STIL: variants seen among roughly 807,000 people sequenced by gnomAD.
STIL encodes the protein STIL centriolar assembly protein.
In STIL, 55 loss-of-function variants were observed where a neutral mutation model predicts 110.1. The observed-to-expected ratio is 0.50, with a 90% confidence interval of 0.40 to 0.63. The LOEUF (loss-of-function observed/expected upper bound fraction) is 0.63. STIL is among the 20% of genes least tolerant of loss of function. The pLI, the probability that STIL is intolerant of heterozygous loss-of-function variation, is 0.00. For missense variants in STIL, 1,358 were observed against 1,530.0 expected (o/e 0.89, Z 1.87); for synonymous variants, 481 against 530.0 (o/e 0.91, Z 1.27).
chr1:47,272,257 A>G lies in STIL; in HGVS notation c.2218-16T>C. On this transcript the variant is annotated splice_polypyrimidine_tract_variant and intron_variant, in intron 12 of 16. Transcript: ENST00000371877. ...AACGCTGAATCTGTATCAATTAAAA[A>G]CATACTTTAAACTGACAGGGAAGTA... The G allele has an allele frequency of 6.2e-7, 1 of 1,614,064 alleles. No individual in the cohort carries two copies. Among genetic ancestry groups the G allele is most frequent in the Non-Finnish European group, 8.5e-7 (1 of 1,179,972 alleles).
Position 47,272,123 on chromosome 1 carries a change from G to A in STIL, c.2336C>T (p.Ser779Phe), listed in dbSNP as rs1644860249. Residue 779 changes from serine to phenylalanine, a missense_variant, in exon 13 of 17, where the codon TCC becomes TTC. Coordinates refer to ENST00000371877, the MANE Select transcript of STIL (RefSeq NM_001048166.1). The stretch of plus-strand genomic sequence containing the variant: ...ACCTTTTCTCATGTGCAAGCCAGGG[G>A]AAGACTGTGCTTCCACAGAAACCAA... ...MELVSVEAQSSPGLHMRKGVS... is the reference protein window; with the variant it reads ...MELVSVEAQSFPGLHMRKGVS... 6.2e-7 allele frequency: 1 copy of A among 1,614,164 alleles called. No homozygotes were observed. The highest frequency in any genetic ancestry group is 1.1e-5 in the South Asian group (1 of 91,084).
Position 47,255,764 on chromosome 1 carries a change from CACAA to C in STIL, c.3081-3846_3081-3843del, listed in dbSNP as rs562952955. Among the ~76,000 whole-genome samples the C allele has an allele frequency of 7.9e-5, 12 of 152,258 alleles. No homozygotes were observed. The East Asian group carries it at 2.3e-3, about 29-fold the overall frequency. On this transcript the variant is annotated intron_variant, in intron 16 of 16. Transcript: ENST00000371877. ...AGAGGTTGCTTCCAGACCTCGAACC[CACAA>C]TCTCCATTTCCTGCACAATTTCTAG...
intron 2 of STIL, among the ~76,000 whole-genome samples, chr1:47,307,605 G>A (rs1031180589): frequency 5.3e-4 from 80 of 152,030 alleles, no homozygotes; most frequent in Non-Finnish European, 7.8e-4. Context: ...TAATAATTGC[G>A]TTAACTACAC....
chr1:47,251,844 G>C lies in STIL; in HGVS notation c.3159C>G (p.Gly1053=). ...TCAAATCCACACCATTGGGGCTTAA[G>C]CCGCTCATGCCAACATTAGCAAATG... is the stretch of plus-strand genomic sequence containing the variant. ...CMSFANVGMS[G]LSPNGVDLSM... is the part of the protein sequence containing the mutation. Residue 1053 remains glycine, a synonymous_variant, in exon 17 of 17, where the codon GGC becomes GGG. Transcript: ENST00000371877. 6 of 1,607,672 alleles carry C rather than the reference G, an allele frequency of 3.7e-6. No individual in the cohort carries two copies. The highest frequency in any genetic ancestry group is 5.1e-6 in the Non-Finnish European group (6 of 1,177,282).
intron 12 of STIL, among the ~76,000 whole-genome samples, chr1:47,277,472 A>AAAAC (rs1489843063): frequency 3.9e-5 from 6 of 152,196 alleles, no homozygotes; most frequent in Non-Finnish European, 7.3e-5. Context: ...TGGTGTGGGG[A>AAAAC]AAACAAACAA....
chr1:47,303,177 G>T (rs1302180983), intron 3 of STIL, among the ~76,000 whole-genome samples: 1 of 152,170 alleles, frequency 6.6e-6, no homozygotes, highest in Admixed American at 6.5e-5. Context: ...ATTAACTGGG[G>T]ATAGGTACAC....
chr1:47,273,483 G>A (rs1644900207), intron 12 of STIL, among the ~76,000 whole-genome samples: 1 of 152,044 alleles, frequency 6.6e-6, no homozygotes, highest in Non-Finnish European at 1.5e-5. Context: ...TCTTTCACTT[G>A]GCATAATGTT....
At position 47,272,282 on chromosome 1, in the gene STIL, AATC is replaced by A. The variant is rs1222726963; in HGVS notation, c.2218-44_2218-42del. The A allele has an allele frequency of 3.7e-6, 6 of 1,609,834 alleles. No homozygotes were observed. In the African/African-American group the frequency reaches 8.0e-5, roughly 22 times the overall value. On this transcript the variant is annotated intron_variant, in intron 12 of 16. Coordinates refer to ENST00000371877, the MANE Select transcript of STIL (RefSeq NM_001048166.1). ...ACATACTTTAAACTGACAGGGAAGT[AATC>A]AACAAAACTGGCAGCAGTTTAATAA...
At chr1:47,291,820 C>A (rs1186989519) in intron 8 of STIL, among the ~76,000 whole-genome samples, 2 of 152,080 alleles carry the variant, frequency 1.3e-5, no homozygotes, top group East Asian at 3.9e-4. Context: ...CCCGCCTTGG[C>A]CTCCCAAAGT....
At chr1:47,286,292 C>T (rs142327770) in intron 10 of STIL, among the ~76,000 whole-genome samples, 70 of 152,224 alleles carry the variant, frequency 4.6e-4, no homozygotes, top group African/African-American at 1.6e-3. Context: ...GATTTAATCA[C>T]CCACAGCTTT....
chr1:47,266,498 A>G (rs1485383276), intron 14 of STIL, among the ~76,000 whole-genome samples: 1 of 152,202 alleles, frequency 6.6e-6, no homozygotes, highest in East Asian at 1.9e-4. Flanking sequence ...AGGTGGAACT[A>G]CTACAGGCAC....
At position 47,281,147 on chromosome 1, in the gene STIL, T is replaced by C. The variant is rs536324483; in HGVS notation, c.1311A>G (p.Glu437=). ...CCAATGGAGTAGGCAGAGGGTTTGA[T>C]TCTATGAAATTGCCATCCAACACAA... ...LSLVLDGNFI[E]SNPLPTPLEM... The change falls in exon 12 of 17, where the codon GAA becomes GAG. Residue 437 remains glutamate, a synonymous_variant. Coordinates refer to ENST00000371877, the MANE Select transcript of STIL (RefSeq NM_001048166.1). 35 of 1,613,922 alleles carry C rather than the reference T, an allele frequency of 2.2e-5. No individual in the cohort carries two copies. Among genetic ancestry groups the C allele is most frequent in the Non-Finnish European group, 2.9e-5 (34 of 1,180,014 alleles).
intron 7 of STIL, among the ~76,000 whole-genome samples, chr1:47,295,400 T>A (rs985938023): frequency 3.3e-5 from 5 of 151,686 alleles, no homozygotes; most frequent in Non-Finnish European, 7.4e-5. Context: ...GCCAACATGG[T>A]AAAACCCCGT....
In STIL at chr1:47,280,243, G is replaced by T. The variant is rs1645117182; in HGVS notation, c.2215C>A (p.Gln739Lys). 1 of 1,614,098 alleles carries T rather than the reference G, an allele frequency of 6.2e-7. No homozygotes were observed. Among genetic ancestry groups the T allele is most frequent in the Non-Finnish European group, 8.5e-7 (1 of 1,180,056 alleles). The change falls in exon 12 of 17, where the codon CAG becomes AAG. Residue 739 changes from glutamine to lysine, a missense_variant and splice_region_variant. Coordinates refer to ENST00000371877, the MANE Select transcript of STIL (RefSeq NM_001048166.1). ...AACTAGGAAAGCACCAAGCAAACCTGTGCCTGAAGTAGTCTTAGCTGTCTG... is the reference window on the plus strand; with the variant it reads ...AACTAGGAAAGCACCAAGCAAACCTTTGCCTGAAGTAGTCTTAGCTGTCTG... ...QDRQLRLLQA[Q>K]IQRLLEAQSL...
chr1:47,286,864 C>T (rs1220812009), intron 10 of STIL, among the ~76,000 whole-genome samples: 1 of 152,110 alleles, frequency 6.6e-6, no homozygotes. Context: ...TTTCTCTACA[C>T]TTCACTTTTC....
intron 16 of STIL, among the ~76,000 whole-genome samples, chr1:47,255,851 G>A (rs751244512): frequency 9.9e-5 from 15 of 151,972 alleles, no homozygotes; most frequent in Non-Finnish European, 2.1e-4. Context: ...TAATCTCTGC[G>A]GCATTCTATT....
intron 11 of STIL, 118 bp downstream of exon 11, chr1:47,282,227 T>C (rs1570162624): frequency 4.2e-6 from 3 of 710,624 alleles, no homozygotes; most frequent in Non-Finnish European, 7.6e-6. Flanking sequence ...GAGATAGAAA[T>C]AGCTAGATAT....
chr1:47,261,968 A>AT (rs1644500666), intron 15 of STIL, among the ~76,000 whole-genome samples: 1 of 152,140 alleles, frequency 6.6e-6, no homozygotes, highest in African/African-American at 2.4e-5. Context: ...CTTATGCTAA[A>AT]TTTTTTATAA....
At position 47,266,590 on chromosome 1, in the gene STIL, C is replaced by G. The variant is rs538132378; in HGVS notation, c.2615+3045G>C. 4.8e-4 allele frequency among the ~76,000 whole-genome samples: 73 copies of G among 152,308 alleles called. 1 individual carries two copies. Among genetic ancestry groups the G allele is most frequent in the Admixed American group, 4.7e-3 (72 of 15,294 alleles). ...TTTTGCCTAGCCTGGTCTTGAATTT[C>G]AAATTAACCTCTTTAAACTGTTTCA... On this transcript the variant is annotated intron_variant, in intron 14 of 16. Coordinates refer to ENST00000371877, the MANE Select transcript of STIL (RefSeq NM_001048166.1).
Sources: allele counts gnomAD v4.1 joint callset (sites outside exome capture counted in the v4.1 genomes callset), GRCh38; gene constraint gnomAD v4.1.1; transcripts MANE v1.5; gene names NCBI Gene and HGNC (gene_info 2026-07-23, HGNC 2026-07-21).